FSTL1: variants seen among roughly 807,000 people sequenced by gnomAD.
FSTL1 encodes follistatin like 1.
In FSTL1, 24 loss-of-function variants were observed where a neutral mutation model predicts 45.9. That is an observed-to-expected ratio of 0.52 (90% confidence interval 0.38 to 0.74). FSTL1 has a LOEUF of 0.74. Ranked by LOEUF, FSTL1 falls within the 30% of genes least tolerant of loss-of-function variation. The pLI, the probability that FSTL1 is intolerant of heterozygous loss-of-function variation, is 0.00. For missense variants in FSTL1, 340 were observed against 381.8 expected, an observed-to-expected ratio of 0.89 and a Z score of 0.91; for synonymous variants, 120 against 137.6, an observed-to-expected ratio of 0.87 and a Z score of 0.89.
In FSTL1 at chr3:120,395,837, C is replaced by G. The variant is rs1161701317; in HGVS notation, c.*1115G>C. 1 of 427,810 alleles carries G rather than the reference C, an allele frequency of 2.3e-6. No homozygotes were observed. The highest frequency in any genetic ancestry group is 2.1e-5 in the African/African-American group (1 of 47,962). The allele number at this position is 427,810 out of a possible 1,614,324, so 26.5% of individuals were successfully genotyped here. A position where few individuals can be genotyped will look rare whatever the true frequency, so the allele number is the denominator to read the frequency against. On this transcript the variant is annotated 3_prime_UTR_variant, in exon 11 of 11. Transcript: ENST00000295633. ...AAAAGAAGAGACAGGGCCAACTCAC[C>G]CTCCTAGTTAGTCGAATGAGCATAT...
At chr3:120,403,931 A>AAAAAC (rs1936883724) in intron 7 of FSTL1, among the ~76,000 whole-genome samples, 1 of 130,500 alleles carries the variant, frequency 7.7e-6, no homozygotes, top group Non-Finnish European at 1.6e-5. Context: ...AAAAAAAAAA[A>AAAAAC]AAAAAAAAAA....
rs371159865 is a variant in FSTL1 at position 120,442,949 on chromosome 3, G to C, written c.63+7735C>G. ...CACACTCTGGGGACTGTTGTGGGGT[G>C]GGGGGAGGGGGGAGGGATAGCATTG... On this transcript the variant is annotated intron_variant, in intron 2 of 10. Coordinates refer to ENST00000295633, the MANE Select transcript of FSTL1 (RefSeq NM_007085.5). 1.8e-3 allele frequency among the ~76,000 whole-genome samples: 206 copies of C among 115,018 alleles called. 3 individuals are homozygous for C. The highest frequency in any genetic ancestry group is 8.4e-3 in the Admixed American group (95 of 11,282). The allele number at this position is 115,018 out of a possible 152,430, so 75.5% of individuals were successfully genotyped here.
chr3:120,408,950 C>T (rs1936998581), intron 6 of FSTL1, among the ~76,000 whole-genome samples: 1 of 152,178 alleles, frequency 6.6e-6, no homozygotes, highest in African/African-American at 2.4e-5. Context: ...TCCTTCATTT[C>T]TCTTTGTGAA....
intron 2 of FSTL1, 61 bp downstream of exon 2, chr3:120,450,623 C>T: frequency 8.4e-7 from 1 of 1,186,524 alleles, no homozygotes; most frequent in Non-Finnish European, 1.1e-6. Context: ...GCCCACCCGC[C>T]CAGCGCGCAG....
At chr3:120,445,472 A>G (rs76295980) in intron 2 of FSTL1, among the ~76,000 whole-genome samples, 2,455 of 149,128 alleles carry the variant, frequency 0.016, 58 homozygotes, top group Middle Eastern at 0.027. Context: ...GATCATCCCT[A>G]TCCCTCATTT....
Position 120,395,129 on chromosome 3 carries a change from A to C in FSTL1, c.*1823T>G, listed in dbSNP as rs1385548000. The C allele has an allele frequency of 6.5e-6, 1 of 154,132 alleles. No homozygotes were observed. The highest frequency in any genetic ancestry group is 1.4e-5 in the Non-Finnish European group (1 of 69,576). 9.5% of individuals were successfully genotyped at this position (154,132 alleles called of 1,614,324 possible). A position where few individuals can be genotyped will look rare whatever the true frequency, so the allele number is the denominator to read the frequency against. The stretch of plus-strand genomic sequence containing the variant: ...AAGCTTGAAATGCTAAACAAAGTGG[A>C]ATTTTCTCCTTTCAAATGAGAACAA... On this transcript the variant is annotated 3_prime_UTR_variant, in exon 11 of 11. Transcript: ENST00000295633.
intron 2 of FSTL1, among the ~76,000 whole-genome samples, chr3:120,417,529 C>G (rs1297751676): frequency 6.6e-6 from 1 of 152,174 alleles, no homozygotes; most frequent in East Asian, 1.9e-4. Flanking sequence ...TTCAAGAAAG[C>G]TAGCAGGCGG....
intron 2 of FSTL1, among the ~76,000 whole-genome samples, chr3:120,416,328 C>G (rs1179503920): frequency 1.3e-5 from 2 of 152,084 alleles, no homozygotes; most frequent in Admixed American, 1.3e-4. Flanking sequence ...TGTTGAGCAC[C>G]AATTTTATGC....
chr3:120,402,151 C>T (rs779955129), intron 9 of FSTL1, among the ~76,000 whole-genome samples: 2 of 152,190 alleles, frequency 1.3e-5, no homozygotes, highest in South Asian at 4.1e-4. Context: ...CCCCAGACCA[C>T]CCTGCACATA....
intron 5 of FSTL1, 77 bp from the exon 6 acceptor site, chr3:120,409,739 G>T: frequency 7.1e-7 from 1 of 1,413,472 alleles, no homozygotes; most frequent in Non-Finnish European, 9.9e-7. Context: ...CTGTGTGGGA[G>T]CATCCGTGCC....
rs1024355601 is a variant in FSTL1, at chr3:120,392,579, C to A, written c.*4373G>T. On this transcript the variant is annotated 3_prime_UTR_variant, in exon 11 of 11. Coordinates refer to ENST00000295633, the MANE Select transcript of FSTL1 (RefSeq NM_007085.5). ...TTCTGTGATACAATTTGGATTTTTA[C>A]CATGTACACATATTATTTTTTCAGT... 3.3e-5 allele frequency: 5 copies of A among 152,142 alleles called. No individual in the cohort carries two copies. The highest frequency in any genetic ancestry group is 3.3e-4 in the Admixed American group (5 of 15,268). The allele number at this position is 152,142 out of a possible 1,614,324, so 9.4% of individuals were successfully genotyped here.
chr3:120,417,150 T>TG (rs968227411), intron 2 of FSTL1, among the ~76,000 whole-genome samples: 1 of 152,198 alleles, frequency 6.6e-6, no homozygotes, highest in Non-Finnish European at 1.5e-5. Context: ...TGGGGCTGGC[T>TG]GGGGTAAGGC....
intron 2 of FSTL1, among the ~76,000 whole-genome samples, chr3:120,446,901 G>C (rs1283082585): frequency 6.6e-6 from 1 of 152,098 alleles, no homozygotes; most frequent in African/African-American, 2.4e-5. Context: ...AAAGTTCATG[G>C]GTCAAGCATG....
chr3:120,424,687 T>A (rs1333100525), intron 2 of FSTL1, among the ~76,000 whole-genome samples: 1 of 151,822 alleles, frequency 6.6e-6, no homozygotes, highest in African/African-American at 2.4e-5. Flanking sequence ...CCAAGAGAGA[T>A]CTCTACAGAA....
intron 2 of FSTL1, chr3:120,423,615 G>A (rs534295198): frequency 3.9e-5 from 6 of 152,180 alleles, no homozygotes; most frequent in African/African-American, 1.4e-4. Context: ...CTTGAGAGAG[G>A]TGCTTCTGTT....
intron 3 of FSTL1, 92 bp from the exon 4 acceptor site, chr3:120,412,075 C>CACACA: frequency 9.0e-7 from 1 of 1,111,212 alleles, no homozygotes; most frequent in Non-Finnish European, 1.3e-6. Context: ...ACACACAGAG[C>CACACA]CATTTTGTAA....
At chr3:120,415,888 GC>G in intron 3 of FSTL1, 34 bp downstream of exon 3, 1 of 1,330,812 alleles carries the variant, frequency 7.5e-7, no homozygotes, top group South Asian at 1.2e-5. Flanking sequence ...ATTGGCCTTG[GC>G]CACTGTCCTC....
intron 2 of FSTL1, among the ~76,000 whole-genome samples, chr3:120,440,279 G>C (rs1211262848): frequency 6.6e-6 from 1 of 152,230 alleles, no homozygotes; most frequent in East Asian, 1.9e-4. Flanking sequence ...TATGTGGCCA[G>C]AATGGCCAAG....
chr3:120,402,444 TTTTTA>T (rs1458826479), intron 9 of FSTL1, among the ~76,000 whole-genome samples: 4 of 151,602 alleles, frequency 2.6e-5, no homozygotes, highest in African/African-American at 9.7e-5. Context: ...ATAATTATTG[TTTTTA>T]TTTTAATGTT....
Sources: gnomAD v4.1 joint callset for allele counts (sites outside exome capture counted in the v4.1 genomes callset) on GRCh38, gnomAD v4.1.1 for gene constraint, MANE v1.5 for transcripts, NCBI Gene and HGNC (gene_info 2026-07-23, HGNC 2026-07-21) for gene names.